Variants in TRMT10B observed in about 807,000 individuals in gnomAD.
TRMT10B encodes the protein tRNA methyltransferase 10B, also known as tRNA methyltransferase 10 homolog B.
In TRMT10B, 33 loss-of-function variants were observed where a neutral mutation model predicts 43.8. The observed-to-expected ratio is 0.75, with a 90% CI of 0.57 to 1.01. The LOEUF (loss-of-function observed/expected upper bound fraction) is 1.01. TRMT10B is among the 50% of genes least tolerant of loss of function. The probability of loss-of-function intolerance (pLI) is 0.00; values close to 1 mark genes in which losing one functional copy is unlikely to be tolerated. For missense variants in TRMT10B, 362 were observed against 369.8 expected, an observed-to-expected ratio of 0.98 and a Z score of 0.17; for synonymous variants, 137 against 130.6, an observed-to-expected ratio of 1.05 and a Z score of -0.34.
At chr9:37,775,625 C>G (rs1319160681) in intron 7 of TRMT10B, among the ~76,000 whole-genome samples, 1 of 152,144 alleles carries the variant, frequency 6.6e-6, no homozygotes, top group Non-Finnish European at 1.5e-5. Flanking sequence ...GATATATGTC[C>G]CAGGCTCAAG....
At chr9:37,777,194 C>CAAAAAAAAAA (rs11306620) in intron 8 of TRMT10B, among the ~76,000 whole-genome samples, 2 of 29,984 alleles carry the variant, frequency 6.7e-5, no homozygotes, top group African/African-American at 2.8e-4. Context: ...AACTCCGCCT[C>CAAAAAAAAAA]AAAAAAAAAA....
At chr9:37,755,648 C>T (rs995937487) in intron 1 of TRMT10B, among the ~76,000 whole-genome samples, 3 of 152,144 alleles carry the variant, frequency 2.0e-5, no homozygotes, top group Non-Finnish European at 4.4e-5. Context: ...TTAGCTTGTT[C>T]TATTACTCTT....
chr9:37,755,866 C>T (rs1588998625), intron 1 of TRMT10B, among the ~76,000 whole-genome samples: 2 of 151,440 alleles, frequency 1.3e-5, no homozygotes, highest in East Asian at 3.9e-4. Flanking sequence ...AGGTTCTATA[C>T]TGTGAACTCT....
chr9:37,776,296 A>G lies in TRMT10B; in HGVS notation c.735A>G (p.Gln245=). 1 of 1,556,260 alleles carries G rather than the reference A, an allele frequency of 6.4e-7. No homozygotes were observed. The highest frequency in any genetic ancestry group is 8.6e-7 in the Non-Finnish European group (1 of 1,156,710). Reference sequence around the variant, plus strand: ...TATATTTACAGAAGGTGACATTTCAAAAGGCCCGGGAATACTCTGTCAAGA... The same window carrying G: ...TATATTTACAGAAGGTGACATTTCAGAAGGCCCGGGAATACTCTGTCAAGA... ...DESIQKKVTF[Q]KAREYSVKTA... Residue 245 remains glutamine, a synonymous_variant, in exon 8 of 9, where the codon CAA becomes CAG. Coordinates refer to ENST00000297994, the MANE Select transcript of TRMT10B (RefSeq NM_144964.4).
upstream of TRMT10B, among the ~76,000 whole-genome samples, chr9:37,753,120 A>AT (rs1434297758): frequency 6.6e-6 from 1 of 151,918 alleles, no homozygotes; most frequent in African/African-American, 2.4e-5. Flanking sequence ...TTTAACACTC[A>AT]TTGCGAAGAT....
intron 3 of TRMT10B, among the ~76,000 whole-genome samples, chr9:37,763,173 A>AAAAAAAAC (rs1563991658): frequency 3.6e-5 from 5 of 138,546 alleles, no homozygotes; most frequent in Non-Finnish European, 7.7e-5. Context: ...AAACAAAAAA[A>AAAAAAAAC]AAAATTTAAG....
At chr9:37,774,144 G>A (rs1386031534) in intron 7 of TRMT10B, among the ~76,000 whole-genome samples, 2 of 152,014 alleles carry the variant, frequency 1.3e-5, no homozygotes, top group East Asian at 3.9e-4. Context: ...CAAGTAGCTG[G>A]GACCACAGGT....
At chr9:37,771,936 G>A (rs1343045167) in intron 7 of TRMT10B, among the ~76,000 whole-genome samples, 3 of 151,912 alleles carry the variant, frequency 2.0e-5, no homozygotes, top group Non-Finnish European at 4.4e-5. Flanking sequence ...GATCTCCTGG[G>A]CTCAAGCAAT....
chr9:37,763,926 C>T (rs1826696984), intron 4 of TRMT10B, 173 bp downstream of exon 4: 1 of 1,337,512 alleles, frequency 7.5e-7, no homozygotes. Context: ...TGTAACGAAC[C>T]TGGAAGAGAA....
In TRMT10B at chr9:37,762,049, C is replaced by G; in HGVS notation, c.118C>G (p.Gln40Glu). ...ACTTCCTGAAGGCTTCCAGCTTCTG[C>G]AGATCGATGCGGAAGGCGAGTGCCA... ...DGLPEGFQLL[Q>E]IDAEGECQEG... The change falls in exon 2 of 9, where the codon CAG becomes GAG. Residue 40 changes from glutamine (Q) to glutamate (E), a missense_variant. Gln to Glu is a conservative substitution (Grantham distance 29). Coordinates refer to ENST00000297994, the MANE Select transcript of TRMT10B (RefSeq NM_144964.4). 2 of 1,614,084 alleles carry G rather than the reference C, an allele frequency of 1.2e-6. No individual in the cohort carries two copies. The highest frequency in any genetic ancestry group is 1.7e-6 in the Non-Finnish European group (2 of 1,180,012).
At chr9:37,753,260 G>A (rs1825150227), upstream of TRMT10B, among the ~76,000 whole-genome samples, 1 of 152,216 alleles carries the variant, frequency 6.6e-6, no homozygotes, top group Non-Finnish European at 1.5e-5. Context: ...GTGAGACCAA[G>A]AATCCACCAT....
At position 37,756,725 on chromosome 9, in the gene TRMT10B, GAT is replaced by G. The variant is rs140692484; in HGVS notation, c.-30+2889_-30+2890del. On this transcript the variant is annotated intron_variant, in intron 1 of 8. Transcript: ENST00000297994. ...CAGAGCAAGACTCTCATCTCAAAAA[GAT>G]ATATATATATATATACACACACACA... 2.7e-3 allele frequency among the ~76,000 whole-genome samples: 401 copies of G among 146,998 alleles called. 3 individuals carry two copies. Among genetic ancestry groups the G allele is most frequent in the South Asian group, 0.023 (106 of 4,622 alleles).
chr9:37,776,239 T>C (rs945476560), intron 7 of TRMT10B, 43 bp from the exon 8 acceptor site: 5 of 1,389,914 alleles, frequency 3.6e-6, no homozygotes, highest in African/African-American at 1.5e-5. Context: ...AATATACTCA[T>C]GTATAATTTT....
At chr9:37,770,416 T>A (rs1176014962) in intron 6 of TRMT10B, among the ~76,000 whole-genome samples, 2 of 152,242 alleles carry the variant, frequency 1.3e-5, no homozygotes, top group African/African-American at 4.8e-5. Flanking sequence ...TATTTCACAT[T>A]CTTCTGCAGT....
chr9:37,761,935 G>A lies in TRMT10B; in HGVS notation c.4G>A (p.Asp2Asn), dbSNP rs1214271333. The part of the protein sequence containing the change: M[D>N]WKLEGSTQKV... Reference sequence around the variant, plus strand: ...GAAAGGACAGAGGACTAAGTCCATGGACTGGAAATTGGAAGGGAGTACTCA... The same window carrying A: ...GAAAGGACAGAGGACTAAGTCCATGAACTGGAAATTGGAAGGGAGTACTCA... The change falls in exon 2 of 9, where the codon GAC (aspartate) becomes AAC (asparagine). Residue 2 changes from aspartate to asparagine, a missense_variant. Physicochemically the swap from Asp to Asn is conservative, Grantham distance 23. Coordinates refer to ENST00000297994, the MANE Select transcript of TRMT10B (RefSeq NM_144964.4). 5 of 1,612,650 alleles carry A rather than the reference G, an allele frequency of 3.1e-6. No homozygotes were observed. Among genetic ancestry groups the A allele is most frequent in the Admixed American group, 1.7e-5 (1 of 59,918 alleles).
chr9:37,762,484 T>C (rs1004417175), intron 2 of TRMT10B, 93 bp from the exon 3 acceptor site: 1 of 1,477,436 alleles, frequency 6.8e-7, no homozygotes, highest in Non-Finnish European at 9.0e-7. Flanking sequence ...ACTATATATA[T>C]AAATAAGAAA....
chr9:37,768,676 TGA>T (rs1478074925), intron 5 of TRMT10B, among the ~76,000 whole-genome samples: 1 of 152,198 alleles, frequency 6.6e-6, no homozygotes, highest in African/African-American at 2.4e-5. Flanking sequence ...AGAATCCAAA[TGA>T]GTTTCTCAAA....
chr9:37,770,845 GA>G (rs1827499479), intron 7 of TRMT10B, 106 bp downstream of exon 7: 1 of 1,182,436 alleles, frequency 8.5e-7, no homozygotes, highest in South Asian at 1.6e-5. Flanking sequence ...AACTCAGAGG[GA>G]ACAGGAAGAA....
chr9:37,762,114 C>G lies in TRMT10B; in HGVS notation c.183C>G (p.Cys61Trp). 1 of 1,612,186 alleles carries G rather than the reference C, an allele frequency of 6.2e-7. No homozygotes were observed. The highest frequency in any genetic ancestry group is 1.7e-5 in the Admixed American group (1 of 59,910). ...TGGCCACAGGCAGTACGGCATGGTG[C>G]TCGGTGAGTGCGTGAATTGCCTGGC... ...EILATGSTAW[C>W]SKNVQRKQRH... The change falls in exon 2 of 9, where the codon TGC (cysteine) becomes TGG (tryptophan). Residue 61 changes from cysteine (C) to tryptophan (W), a missense_variant. Cys to Trp is a radical substitution (Grantham distance 215). Transcript: ENST00000297994.
Sources: gnomAD v4.1 joint callset for allele counts (sites outside exome capture counted in the v4.1 genomes callset) on GRCh38, gnomAD v4.1.1 for gene constraint, MANE v1.5 for transcripts, NCBI Gene and HGNC (gene_info 2026-07-23, HGNC 2026-07-21) for gene names.